The following KCNH8 variants were observed in gnomAD, a reference collection of about 807,000 sequenced individuals.
KCNH8 encodes the protein voltage-gated delayed rectifier potassium channel KCNH8.
In KCNH8, 70 loss-of-function variants were observed where a neutral mutation model predicts 103.6. The observed-to-expected ratio is 0.68, with a 90% CI of 0.56 to 0.82. The LOEUF is 0.82. Among genes scored for constraint, KCNH8 ranks in the 40% least tolerant of loss-of-function variants. The pLI is 0.00. For missense variants in KCNH8, 1,217 were observed against 1,329.9 expected, an observed-to-expected ratio of 0.92 and a Z score of 1.32; for synonymous variants, 498 against 489.4, an observed-to-expected ratio of 1.02 and a Z score of -0.23.
At chr3:19,511,224 ATGAG>A (rs1575160771) in intron 12 of KCNH8, among the ~76,000 whole-genome samples, 1 of 143,080 alleles carries the variant, frequency 7.0e-6, no homozygotes, top group Admixed American at 7.5e-5. Flanking sequence ...ACTCGCATGT[ATGAG>A]TGAGAACATG....
intron 5 of KCNH8, among the ~76,000 whole-genome samples, chr3:19,377,379 A>C (rs775566581): frequency 6.6e-6 from 1 of 152,190 alleles, no homozygotes; most frequent in Admixed American, 6.5e-5. Context: ...CACATGGTCA[A>C]TTTCAGGTAA....
intron 4 of KCNH8, among the ~76,000 whole-genome samples, chr3:19,343,372 A>G (rs900745229): frequency 2.0e-5 from 3 of 152,240 alleles, no homozygotes; most frequent in Non-Finnish European, 2.9e-5. Context: ...TTCCTATTTT[A>G]CATGACATAT....
At chr3:19,407,193 A>G (rs1199534058) in intron 7 of KCNH8, among the ~76,000 whole-genome samples, 2 of 152,192 alleles carry the variant, frequency 1.3e-5, no homozygotes, top group Non-Finnish European at 2.9e-5. Context: ...GAAATTAAAG[A>G]TAATATTTAC....
chr3:19,315,730 G>T (rs2065264905), intron 3 of KCNH8, among the ~76,000 whole-genome samples: 2 of 151,990 alleles, frequency 1.3e-5, no homozygotes, highest in Non-Finnish European at 2.9e-5. Context: ...AACTATCAAA[G>T]TTAGTTCAAC....
intron 1 of KCNH8, among the ~76,000 whole-genome samples, chr3:19,229,931 C>T (rs1042201178): frequency 2.0e-5 from 3 of 152,112 alleles, no homozygotes; most frequent in African/African-American, 7.2e-5. Context: ...TATTTTCATG[C>T]TGCTGATAAA....
intron 1 of KCNH8, among the ~76,000 whole-genome samples, chr3:19,234,523 C>G (rs914204581): frequency 2.6e-5 from 4 of 152,184 alleles, no homozygotes; most frequent in Non-Finnish European, 4.4e-5. Flanking sequence ...TGGGGCTGGC[C>G]GGCCAATCCG....
chr3:19,257,671 A>G (rs577458883), intron 2 of KCNH8, among the ~76,000 whole-genome samples: 3 of 152,190 alleles, frequency 2.0e-5, no homozygotes, highest in African/African-American at 7.2e-5. Flanking sequence ...TCCTGGAAAG[A>G]AAAACGTAGA....
intron 3 of KCNH8, among the ~76,000 whole-genome samples, chr3:19,302,381 A>G (rs1272836861): frequency 1.3e-5 from 2 of 151,944 alleles, no homozygotes; most frequent in African/African-American, 4.8e-5. Flanking sequence ...TCACACATCC[A>G]TTTTTTTCTT....
At chr3:19,241,285 A>C (rs1014731921) in intron 1 of KCNH8, among the ~76,000 whole-genome samples, 8 of 152,142 alleles carry the variant, frequency 5.3e-5, no homozygotes, top group Non-Finnish European at 8.8e-5. Context: ...TCATTGACTC[A>C]CCACCTGTCT....
Position 19,154,675 on chromosome 3 carries a change from G to A in KCNH8, c.76+5880G>A, listed in dbSNP as rs2063163290. Among the ~76,000 whole-genome samples the A allele has an allele frequency of 3.3e-5, 5 of 152,158 alleles. No homozygotes were observed. The South Asian group carries it at 6.2e-4, about 19-fold the overall frequency. On this transcript the variant is annotated intron_variant, in intron 1 of 15. Transcript: ENST00000328405. ...CCCAGGGAGTTAACTTTCTCTTAAG[G>A]AAGTGATAGATTTATTTCTCACCAC...
rs748787967 is a variant in KCNH8, at chr3:19,513,344, T to C, written c.2435+19T>C. 1.3e-6 allele frequency: 2 copies of C among 1,560,562 alleles called. No individual in the cohort carries two copies. The highest frequency in any genetic ancestry group is 1.2e-5 in the South Asian group (1 of 80,814). On this transcript the variant is annotated intron_variant, in intron 13 of 15. Transcript: ENST00000328405. ...GTCCAAGGTAAGAGTTCATATCATA[T>C]AACTTTCTCACGTGAACGTGGCTGC...
At chr3:19,488,387 A>C (rs1364013381) in intron 11 of KCNH8, among the ~76,000 whole-genome samples, 3 of 152,162 alleles carry the variant, frequency 2.0e-5, no homozygotes, top group Non-Finnish European at 4.4e-5. Context: ...TTCACAAACA[A>C]ACACTTGATT....
intron 1 of KCNH8, among the ~76,000 whole-genome samples, chr3:19,206,143 G>GTA (rs1463959750): frequency 5.3e-5 from 7 of 130,902 alleles, no homozygotes; most frequent in East Asian, 2.0e-4. Flanking sequence ...GTCATTAATG[G>GTA]TATATATATA....
intron 5 of KCNH8, among the ~76,000 whole-genome samples, chr3:19,375,790 G>C (rs1022289063): frequency 1.5e-4 from 23 of 151,904 alleles, no homozygotes; most frequent in Non-Finnish European, 3.4e-4. Context: ...TTTTGGTGTG[G>C]ATGTCCTTTC....
intron 11 of KCNH8, 59 bp downstream of exon 11, chr3:19,457,041 G>C (rs1217425419): frequency 1.7e-6 from 2 of 1,210,216 alleles, no homozygotes; most frequent in Non-Finnish European, 2.4e-6. Context: ...GAGATCATTT[G>C]TAACAGTAAA....
intron 3 of KCNH8, among the ~76,000 whole-genome samples, chr3:19,328,710 A>G (rs951113286): frequency 3.9e-5 from 6 of 152,208 alleles, no homozygotes; most frequent in South Asian, 2.1e-4. Context: ...AGAAAAACAC[A>G]TTATCTTTCT....
chr3:19,151,173 G>A (rs1001722663), intron 1 of KCNH8, among the ~76,000 whole-genome samples: 17 of 151,860 alleles, frequency 1.1e-4, no homozygotes, highest in African/African-American at 3.4e-4. Flanking sequence ...ATTGTTTCTT[G>A]TTGATACAGT....
intron 2 of KCNH8, among the ~76,000 whole-genome samples, chr3:19,267,240 G>A (rs1032266919): frequency 5.3e-5 from 8 of 152,072 alleles, no homozygotes; most frequent in Admixed American, 1.3e-4. Context: ...GAAGACAGCC[G>A]CTAGAATGCA....
At chr3:19,506,476 T>G (rs546780068) in intron 11 of KCNH8, among the ~76,000 whole-genome samples, 107 of 152,306 alleles carry the variant, frequency 7.0e-4, no homozygotes, top group Admixed American at 1.4e-3. Flanking sequence ...AGGTGGTGCT[T>G]AAGTGAAATG....
Sources: allele counts gnomAD v4.1 joint callset (sites outside exome capture counted in the v4.1 genomes callset), GRCh38; gene constraint gnomAD v4.1.1; transcripts MANE v1.5; gene names NCBI Gene and HGNC (gene_info 2026-07-23, HGNC 2026-07-21).